Variants in TCF12 observed in about 807,000 individuals in gnomAD.
The protein encoded by TCF12 is transcription factor 12.
Under a neutral mutation model 86.0 loss-of-function variants are expected in TCF12, and 45 were observed. The ratio of observed to expected loss-of-function variants is 0.52; its 90% CI spans 0.41 to 0.67. The LOEUF is 0.67. TCF12 is among the 30% of genes least tolerant of loss of function. The pLI is 0.00. For synonymous variants in TCF12, 330 were observed against 299.6 expected, an observed-to-expected ratio of 1.10 and a Z score of -1.05; for missense variants, 881 against 859.9, an observed-to-expected ratio of 1.02 and a Z score of -0.31.
At chr15:57,071,296 G>A (rs967679232) in intron 4 of TCF12, among the ~76,000 whole-genome samples, 1 of 151,302 alleles carries the variant, frequency 6.6e-6, no homozygotes, top group South Asian at 2.1e-4. Flanking sequence ...CCTGTGGTCC[G>A]AGCTACTCAG....
chr15:57,081,640 C>T lies in TCF12; in HGVS notation c.223-10149C>T, dbSNP rs563586809. Among the ~76,000 whole-genome samples the T allele has an allele frequency of 3.7e-3, 557 of 152,226 alleles. 5 individuals are homozygous for T. Among genetic ancestry groups the T allele is most frequent in the African/African-American group, 0.013 (530 of 41,528 alleles). On this transcript the variant is annotated intron_variant, in intron 4 of 20. Coordinates refer to ENST00000333725, the MANE Select transcript of TCF12 (RefSeq NM_207037.2). ...ACAGCCTCTGCCTCCTGGGTTCAAG[C>T]GATTCTCCTACCTCAGCCTCCCAAG...
At chr15:56,942,189 C>G (rs1480452846) in intron 3 of TCF12, among the ~76,000 whole-genome samples, 3 of 152,104 alleles carry the variant, frequency 2.0e-5, no homozygotes, top group Admixed American at 2.0e-4. Flanking sequence ...TTCAGTGATT[C>G]TAAGATGAGA....
chr15:57,252,490 G>A lies in TCF12; in HGVS notation c.1258G>A (p.Glu420Lys), dbSNP rs1361570465. The stretch of plus-strand genomic sequence containing the variant: ...AATGTCCTTCTTAAAGGATGTCTGT[G>A]AGGTACTATTTCTTTTAGATGGTGC... ...DAMSFLKDVCEQSRMEDRLDR... is the reference protein window; with the variant it reads ...DAMSFLKDVCKQSRMEDRLDR... Residue 420 changes from glutamate to lysine, a missense_variant and splice_region_variant, in exon 15 of 21, where the codon GAG becomes AAG. Physicochemically the swap from Glu to Lys is moderately conservative, Grantham distance 56 (BLOSUM62 1). Transcript: ENST00000333725. 1.2e-6 allele frequency: 2 copies of A among 1,613,472 alleles called. No individual in the cohort carries two copies. Among genetic ancestry groups the A allele is most frequent in the Non-Finnish European group, 1.7e-6 (2 of 1,179,580 alleles).
chr15:57,061,831 G>A (rs1260072993), intron 3 of TCF12, among the ~76,000 whole-genome samples: 1 of 152,090 alleles, frequency 6.6e-6, no homozygotes, highest in Non-Finnish European at 1.5e-5. Context: ...GTAGGTTAAT[G>A]GTCATCTTTT....
intron 5 of TCF12, among the ~76,000 whole-genome samples, chr15:57,093,399 G>A (rs1017103473): frequency 6.6e-6 from 1 of 152,116 alleles, no homozygotes; most frequent in Non-Finnish European, 1.5e-5. Context: ...ATTAAACTAA[G>A]CTTTCTTAAT....
At chr15:56,980,780 T>C (rs562273754) in intron 3 of TCF12, among the ~76,000 whole-genome samples, 144 of 152,336 alleles carry the variant, frequency 9.5e-4, no homozygotes, top group South Asian at 1.4e-3. Context: ...CTGCTAGTCA[T>C]GTTTGGCTGT....
At chr15:57,273,799 T>C (rs1203579454) in intron 19 of TCF12, among the ~76,000 whole-genome samples, 1 of 152,150 alleles carries the variant, frequency 6.6e-6, no homozygotes, top group Non-Finnish European at 1.5e-5. Flanking sequence ...CCAAGAACTT[T>C]TTGGGCTAAC....
intron 3 of TCF12, among the ~76,000 whole-genome samples, chr15:57,006,562 G>A (rs2064387567): frequency 6.6e-6 from 1 of 152,152 alleles, no homozygotes; most frequent in Non-Finnish European, 1.5e-5. Context: ...GGAGGTCGAG[G>A]CAGGTAGATT....
chr15:57,229,318 T>C (rs756718893), intron 8 of TCF12, among the ~76,000 whole-genome samples: 2 of 152,132 alleles, frequency 1.3e-5, no homozygotes, highest in Non-Finnish European at 2.9e-5. Flanking sequence ...GAAATACCTT[T>C]AAACCAGAAA....
chr15:57,271,927 C>T (rs780890019), intron 18 of TCF12, among the ~76,000 whole-genome samples: 15 of 151,992 alleles, frequency 9.9e-5, no homozygotes, highest in Non-Finnish European at 2.1e-4. Context: ...ATGTAGAATC[C>T]ACCTCAAAAA....
Position 57,071,522 on chromosome 15 carries a change from T to C in TCF12, c.222+7699T>C, listed in dbSNP as rs1291812461. 3.9e-5 allele frequency among the ~76,000 whole-genome samples: 6 copies of C among 151,982 alleles called. No homozygotes were observed. In the East Asian group the frequency reaches 1.2e-3, roughly 29 times the overall value. ...GTGGTGGTGTTGGCTGTAGTCCCAG[T>C]TACTCGGGAGGCTCAGGCAGGAGAA... On this transcript the variant is annotated intron_variant, in intron 4 of 20. Coordinates refer to ENST00000333725, the MANE Select transcript of TCF12 (RefSeq NM_207037.2).
intron 3 of TCF12, among the ~76,000 whole-genome samples, chr15:56,988,524 T>G (rs568086121): frequency 2.6e-5 from 4 of 152,200 alleles, no homozygotes; most frequent in African/African-American, 9.7e-5. Flanking sequence ...TTGAACTGTT[T>G]AGTGACTGTC....
At chr15:57,158,184 G>T (rs112040603) in intron 5 of TCF12, among the ~76,000 whole-genome samples, 9 of 134,106 alleles carry the variant, frequency 6.7e-5, no homozygotes, top group African/African-American at 7.8e-5. Flanking sequence ...TCAGAAAGTC[G>T]TTTCTTTTTT....
At chr15:57,075,782 CTTTCTTTCTTTCTTTCTTTCTT>C (rs1292391938) in intron 4 of TCF12, among the ~76,000 whole-genome samples, 11 of 52,854 alleles carry the variant, frequency 2.1e-4, no homozygotes, top group African/African-American at 8.4e-4. Flanking sequence ...TTCTTTCTTT[CTTTCTTTCTTTCTTTCTTTCTT>C]TCTCTCTCTC....
intron 8 of TCF12, among the ~76,000 whole-genome samples, chr15:57,223,653 T>TTTTTTGTTTTTGTTTTG (rs1555400234): frequency 1.5e-5 from 2 of 135,294 alleles, no homozygotes; most frequent in African/African-American, 5.5e-5. Flanking sequence ...GTTTTTTTTT[T>TTTTTTGTTTTTGTTTTG]TTTTTTTTTT....
Position 57,288,990 on chromosome 15 carries a change from T to A in TCF12, c.*2845T>A, listed in dbSNP as rs2062019701. On this transcript the variant is annotated 3_prime_UTR_variant, in exon 21 of 21. Coordinates refer to ENST00000333725, the MANE Select transcript of TCF12 (RefSeq NM_207037.2). ...ATCAAAAATTTGCTTTTATCCCAGT[T>A]TTTAACCACAAAAAAAAGCGTAGGG... is the stretch of plus-strand genomic sequence containing the variant. 8.3e-6 allele frequency: 1 copy of A among 120,658 alleles called. No individual in the cohort carries two copies. The highest frequency in any genetic ancestry group is 1.5e-5 in the Non-Finnish European group (1 of 65,062). The allele number at this position is 120,658 out of a possible 1,614,324, so 7.5% of individuals were successfully genotyped here. A position where few individuals can be genotyped will look rare whatever the true frequency, so the allele number is the denominator to read the frequency against.
chr15:57,170,762 T>TATATAAAATATATATAAA (rs2055396439), intron 6 of TCF12, among the ~76,000 whole-genome samples: 1 of 12,544 alleles, frequency 8.0e-5, no homozygotes, highest in African/African-American at 3.5e-4. Context: ...TTATATATTA[T>TATATAAAATATATATAAA]ATATATATTA....
intron 5 of TCF12, among the ~76,000 whole-genome samples, chr15:57,116,347 T>G (rs1245365264): frequency 1.3e-5 from 2 of 152,084 alleles, no homozygotes; most frequent in African/African-American, 4.8e-5. Context: ...TGTGGTATAT[T>G]TTTTATTTTA....
chr15:57,059,180 T>A (rs1297869556), intron 3 of TCF12, among the ~76,000 whole-genome samples: 1 of 152,186 alleles, frequency 6.6e-6, no homozygotes, highest in East Asian at 1.9e-4. Flanking sequence ...GAATAAAAAT[T>A]TGATTTCAGT....
Sources: allele counts gnomAD v4.1 joint callset (sites outside exome capture counted in the v4.1 genomes callset), GRCh38; gene constraint gnomAD v4.1.1; transcripts MANE v1.5; gene names NCBI Gene and HGNC (gene_info 2026-07-23, HGNC 2026-07-21).